The following DCP1A variants were observed in gnomAD, a reference collection of about 807,000 sequenced individuals.
DCP1A encodes the protein decapping mRNA 1A.
A neutral mutation model predicts 58.0 loss-of-function variants in DCP1A; 20 were observed. The observed-to-expected ratio is 0.34, with a 90% CI of 0.24 to 0.50. The LOEUF (loss-of-function observed/expected upper bound fraction) is 0.50. Among genes scored for constraint, DCP1A ranks in the 20% least tolerant of loss-of-function variants. The probability of loss-of-function intolerance (pLI) is 0.98; values close to 1 mark genes in which losing one functional copy is unlikely to be tolerated. For missense variants in DCP1A, 613 were observed against 712.2 expected, an observed-to-expected ratio of 0.86 and a Z score of 1.59; for synonymous variants, 285 against 275.1, an observed-to-expected ratio of 1.04 and a Z score of -0.36.
intron 3 of DCP1A, among the ~76,000 whole-genome samples, chr3:53,322,467 TTA>T (rs200145954): frequency 6.7e-5 from 10 of 148,858 alleles, no homozygotes; most frequent in African/African-American, 1.2e-4. Flanking sequence ...AAAAAAAAAA[TTA>T]TATATATATA....
At chr3:53,336,037 T>A (rs1477519326) in intron 3 of DCP1A, among the ~76,000 whole-genome samples, 1 of 152,086 alleles carries the variant, frequency 6.6e-6, no homozygotes, top group Admixed American at 6.6e-5. Flanking sequence ...TGGGCTCAAG[T>A]GATCTGTTCG....
chr3:53,329,305 T>C (rs1303123688), intron 3 of DCP1A: 5 of 398,290 alleles, frequency 1.3e-5, no homozygotes, highest in Non-Finnish European at 2.2e-5. Flanking sequence ...TTTTCAACAC[T>C]ATGGAAATGA....
At chr3:53,341,963 C>A (rs1282098169) in intron 3 of DCP1A, among the ~76,000 whole-genome samples, 181 bp downstream of exon 3, 1 of 152,098 alleles carries the variant, frequency 6.6e-6, no homozygotes, top group South Asian at 2.1e-4. Context: ...AGGCATGAGC[C>A]ACCACCTCTG....
intron 2 of DCP1A, among the ~76,000 whole-genome samples, chr3:53,344,328 T>G (rs1406492370): frequency 2.0e-5 from 3 of 152,168 alleles, no homozygotes; most frequent in South Asian, 2.1e-4. Flanking sequence ...AACAAAAAAG[T>G]TGCAATTTGC....
At chr3:53,325,029 C>G (rs1397817729) in intron 3 of DCP1A, among the ~76,000 whole-genome samples, 1 of 151,768 alleles carries the variant, frequency 6.6e-6, no homozygotes, top group African/African-American at 2.4e-5. Context: ...AAAAAAAATA[C>G]AAATTACAAA....
intron 3 of DCP1A, among the ~76,000 whole-genome samples, chr3:53,329,856 G>T (rs1559701667): frequency 6.6e-6 from 1 of 152,168 alleles, no homozygotes; most frequent in Non-Finnish European, 1.5e-5. Flanking sequence ...CCTTATAAAT[G>T]ATAAACTTCC....
chr3:53,283,462 A>G lies in DCP1A; in HGVS notation c.*4118T>C, dbSNP rs983309296. On this transcript the variant is annotated 3_prime_UTR_variant, in exon 10 of 10. Transcript: ENST00000610213. ...AAAACTTGGTTTTGAAATTTTATTAAAAAAATATATTTGCAAACATATAAA... is the reference window on the plus strand; with the variant it reads ...AAAACTTGGTTTTGAAATTTTATTAGAAAAATATATTTGCAAACATATAAA... 2.6e-5 allele frequency: 4 copies of G among 152,242 alleles called. No individual in the cohort carries two copies. The highest frequency in any genetic ancestry group is 5.9e-5 in the Non-Finnish European group (4 of 68,044). 9.4% of individuals were successfully genotyped at this position (152,242 alleles called of 1,614,324 possible).
At chr3:53,311,073 G>A (rs1446677558) in intron 5 of DCP1A, among the ~76,000 whole-genome samples, 1 of 152,166 alleles carries the variant, frequency 6.6e-6, no homozygotes, top group Admixed American at 6.5e-5. Flanking sequence ...AGTCCCAAGA[G>A]GATGGGAGGA....
chr3:53,288,413 G>C (rs62256054), intron 8 of DCP1A, 130 bp from the exon 9 acceptor site: 112,560 of 675,060 alleles, frequency 0.17, 9,890 homozygotes, highest in South Asian at 0.19. Context: ...TTTGAGTTCA[G>C]GTAAACATTC....
chr3:53,292,716 G>A lies in DCP1A; in HGVS notation c.736C>T (p.Pro246Ser), dbSNP rs782494181. Residue 246 changes from proline (P) to serine (S), a missense_variant, in exon 7 of 10, where the codon CCA becomes TCA. Coordinates refer to ENST00000610213, the MANE Select transcript of DCP1A (RefSeq NM_018403.7). ...GGCTCTTTCTGGGAGGCATCTCCTG[G>A]CAACCTCTCCATTTCTTCTGAATCC... is the stretch of plus-strand genomic sequence containing the variant. ...GLDSEEMERL[P>S]GDASQKEPNS... 3 of 1,613,806 alleles carry A rather than the reference G, an allele frequency of 1.9e-6. No individual in the cohort carries two copies. Among genetic ancestry groups the A allele is most frequent in the Non-Finnish European group, 1.7e-6 (2 of 1,179,868 alleles).
chr3:53,337,465 T>G (rs1553692073), intron 3 of DCP1A, among the ~76,000 whole-genome samples: 1 of 152,224 alleles, frequency 6.6e-6, no homozygotes, highest in Admixed American at 6.5e-5. Flanking sequence ...TGTAAATGCC[T>G]AACAAAATAC....
At chr3:53,320,086 C>A (rs1462827962) in intron 3 of DCP1A, among the ~76,000 whole-genome samples, 1 of 151,670 alleles carries the variant, frequency 6.6e-6, no homozygotes, top group Non-Finnish European at 1.5e-5. Context: ...CGAGATCACG[C>A]CACTGCACTC....
At position 53,283,852 on chromosome 3, in the gene DCP1A, CA is replaced by C. The variant is rs1361794301; in HGVS notation, c.*3727del. The C allele has an allele frequency of 1.3e-5, 2 of 152,174 alleles. No individual in the cohort carries two copies. Among genetic ancestry groups the C allele is most frequent in the Non-Finnish European group, 2.9e-5 (2 of 68,030 alleles). The allele number at this position is 152,174 out of a possible 1,614,324, so 9.4% of individuals were successfully genotyped here. A position where few individuals can be genotyped will look rare whatever the true frequency, so the allele number is the denominator to read the frequency against. ...ATCTTAGCATTTTAAATGAAGGTGT[CA>C]AATACAAAACGGAGGGAATCACTGC... is the stretch of plus-strand genomic sequence containing the variant. On this transcript the variant is annotated 3_prime_UTR_variant, in exon 10 of 10. Coordinates refer to ENST00000610213, the MANE Select transcript of DCP1A (RefSeq NM_018403.7).
At chr3:53,345,639 A>T (rs953923693) in intron 1 of DCP1A, among the ~76,000 whole-genome samples, 9 of 152,168 alleles carry the variant, frequency 5.9e-5, no homozygotes, top group Non-Finnish European at 1.3e-4. Context: ...CCTACAATGG[A>T]CCTAAATATT....
intron 4 of DCP1A, 36 bp downstream of exon 4, chr3:53,319,371 A>G (rs1553689633): frequency 3.1e-6 from 4 of 1,299,668 alleles, no homozygotes; most frequent in East Asian, 2.5e-5. Flanking sequence ...CATTTCTCAC[A>G]TATCATCAGT....
chr3:53,315,757 G>GTTTTTTTTTTTTTT (rs1359300693), intron 4 of DCP1A, among the ~76,000 whole-genome samples: 1 of 109,848 alleles, frequency 9.1e-6, no homozygotes, highest in Non-Finnish European at 1.7e-5. Flanking sequence ...TTTTTTTTTT[G>GTTTTTTTTTTTTTT]TTTTTTTTTT....
intron 6 of DCP1A, among the ~76,000 whole-genome samples, chr3:53,293,926 G>A (rs1025329563): frequency 2.6e-5 from 4 of 152,144 alleles, no homozygotes; most frequent in East Asian, 1.9e-4. Context: ...CCCCCCCACC[G>A]GACCCCCGCA....
intron 8 of DCP1A, 113 bp from the exon 9 acceptor site, chr3:53,288,396 A>G (rs1706727274): frequency 1.3e-6 from 1 of 763,562 alleles, no homozygotes; most frequent in East Asian, 2.7e-5. Flanking sequence ...GCACAGAGAC[A>G]GACTATTTTG....
chr3:53,321,625 A>G lies in DCP1A; in HGVS notation c.305-2152T>C, dbSNP rs542761174. Among the ~76,000 whole-genome samples the G allele has an allele frequency of 2.0e-5, 3 of 152,340 alleles. No individual in the cohort carries two copies. The South Asian group carries it at 6.2e-4, about 32-fold the overall frequency. On this transcript the variant is annotated intron_variant, in intron 3 of 9. Transcript: ENST00000610213. ...TCCCAGCTACTCAGGAAGCGGAGAC[A>G]GGAGAATTGCTTGAATCCAGGAGGT...
Sources: allele counts gnomAD v4.1 joint callset (sites outside exome capture counted in the v4.1 genomes callset), GRCh38; gene constraint gnomAD v4.1.1; transcripts MANE v1.5; gene names NCBI Gene and HGNC (gene_info 2026-07-23, HGNC 2026-07-21).